Variants in CRACD observed in about 807,000 individuals in gnomAD.
The protein encoded by CRACD is capping protein-inhibiting regulator of actin dynamics.
A neutral mutation model predicts 106.8 loss-of-function variants in CRACD; 56 were observed. The observed-to-expected ratio is 0.52, with a 90% CI of 0.42 to 0.66. The LOEUF is 0.66. CRACD is among the 30% of genes least tolerant of loss of function. The probability of loss-of-function intolerance (pLI) is 0.00; values close to 1 mark genes in which losing one functional copy is unlikely to be tolerated. For synonymous variants in CRACD, 754 were observed against 670.8 expected, an observed-to-expected ratio of 1.12 and a Z score of -1.92; for missense variants, 1,730 against 1,623.2, an observed-to-expected ratio of 1.07 and a Z score of -1.13.
chr4:56,326,802 C>T (rs553981476), intron 10 of CRACD, among the ~76,000 whole-genome samples: 10 of 149,158 alleles, frequency 6.7e-5, no homozygotes, highest in Admixed American at 3.4e-4. Flanking sequence ...TGCAGTGGTG[C>T]GATGTCGATT....
intron 3 of CRACD, among the ~76,000 whole-genome samples, chr4:56,280,136 C>T (rs568906045): frequency 8.4e-6 from 1 of 118,632 alleles, no homozygotes; most frequent in Non-Finnish European, 1.6e-5. Flanking sequence ...CACACTGGGG[C>T]CTGTTGTGGG....
At chr4:56,193,985 A>G (rs772894451) in intron 2 of CRACD, among the ~76,000 whole-genome samples, 2 of 152,190 alleles carry the variant, frequency 1.3e-5, no homozygotes, top group Non-Finnish European at 2.9e-5. Flanking sequence ...ATGGAAAAAT[A>G]TAGCAATAAG....
At chr4:56,121,423 T>G (rs1734477797) in intron 1 of CRACD, among the ~76,000 whole-genome samples, 1 of 152,118 alleles carries the variant, frequency 6.6e-6, no homozygotes, top group South Asian at 2.1e-4. Flanking sequence ...GGATATGCTG[T>G]TTACGAGGTC....
At chr4:56,131,145 A>G (rs1734812370) in intron 1 of CRACD, among the ~76,000 whole-genome samples, 1 of 152,232 alleles carries the variant, frequency 6.6e-6, no homozygotes, top group Non-Finnish European at 1.5e-5. Flanking sequence ...ACTGCTATTA[A>G]TTTAAATTCT....
intron 1 of CRACD, among the ~76,000 whole-genome samples, chr4:56,163,380 A>C (rs1045928022): frequency 6.6e-6 from 1 of 152,170 alleles, no homozygotes; most frequent in Non-Finnish European, 1.5e-5. Flanking sequence ...GTTTGTGTAA[A>C]ATATTTTGAT....
intron 2 of CRACD, among the ~76,000 whole-genome samples, chr4:56,207,895 C>T (rs1270826629): frequency 1.3e-5 from 2 of 150,688 alleles, no homozygotes; most frequent in Non-Finnish European, 2.9e-5. Flanking sequence ...TGTCTTGGCT[C>T]ACTGCTGCCT....
rs549208985 is a variant in CRACD at position 56,135,695 on chromosome 4, GATAGTGAA to G, written c.-335-43588_-335-43581del. On this transcript the variant is annotated intron_variant, in intron 1 of 10. Transcript: ENST00000682029. The stretch of plus-strand genomic sequence containing the variant: ...GTGAATGAGGAAATGTGGTTGAAGG[GATAGTGAA>G]CAGTTCCACGCGCAGGTAACTTGAA... Among the ~76,000 whole-genome samples, 1,064 of 152,306 alleles carry G rather than the reference GATAGTGAA, an allele frequency of 7.0e-3. 3 individuals carry two copies. Among genetic ancestry groups the G allele is most frequent in the Middle Eastern group, 0.014 (4 of 294 alleles).
At chr4:56,131,264 G>A (rs1355854595) in intron 1 of CRACD, among the ~76,000 whole-genome samples, 2 of 152,118 alleles carry the variant, frequency 1.3e-5, no homozygotes, top group Non-Finnish European at 2.9e-5. Flanking sequence ...TCCTCATCTC[G>A]ATTAAGTGCT....
intron 1 of CRACD, among the ~76,000 whole-genome samples, chr4:56,124,427 A>G (rs1235682540): frequency 1.3e-5 from 2 of 152,190 alleles, no homozygotes; most frequent in Non-Finnish European, 2.9e-5. Flanking sequence ...TTTTATCTGT[A>G]AATTCTCCAT....
At chr4:56,275,360 C>T (rs1347592870) in intron 3 of CRACD, among the ~76,000 whole-genome samples, 7 of 152,032 alleles carry the variant, frequency 4.6e-5, no homozygotes, top group East Asian at 1.9e-4. Context: ...GAGGCTGAGG[C>T]GGGAAGATCA....
chr4:56,295,046 A>C (rs941168356), intron 3 of CRACD, among the ~76,000 whole-genome samples: 2 of 152,046 alleles, frequency 1.3e-5, no homozygotes, highest in Non-Finnish European at 2.9e-5. Context: ...ACAGCAATTA[A>C]GATAGTGTGT....
At chr4:56,171,276 A>G (rs1372258798) in intron 1 of CRACD, among the ~76,000 whole-genome samples, 1 of 152,142 alleles carries the variant, frequency 6.6e-6, no homozygotes, top group African/African-American at 2.4e-5. Flanking sequence ...AAAAAAAAAA[A>G]AGAAAGACTA....
At chr4:56,104,772 C>G (rs1317439284) in intron 1 of CRACD, among the ~76,000 whole-genome samples, 1 of 151,726 alleles carries the variant, frequency 6.6e-6, no homozygotes, top group Admixed American at 6.6e-5. Context: ...TCGAGACCAT[C>G]CTGGCTAACA....
chr4:56,118,024 G>A (rs985875625), intron 1 of CRACD, among the ~76,000 whole-genome samples: 3 of 152,180 alleles, frequency 2.0e-5, no homozygotes, highest in East Asian at 1.9e-4. Context: ...CTCCTAAAGT[G>A]CTGGGATTAC....
intron 1 of CRACD, among the ~76,000 whole-genome samples, chr4:56,145,025 T>A (rs569462720): frequency 1.2e-3 from 177 of 152,260 alleles, no homozygotes; most frequent in Non-Finnish European, 2.2e-3. Context: ...TGACTTCAAG[T>A]TATCCCCCCG....
intron 1 of CRACD, among the ~76,000 whole-genome samples, chr4:56,116,750 C>T (rs1331151241): frequency 6.6e-6 from 1 of 152,130 alleles, no homozygotes; most frequent in Non-Finnish European, 1.5e-5. Flanking sequence ...ACTCTGTCTC[C>T]CAGGCTGGAG....
intron 1 of CRACD, among the ~76,000 whole-genome samples, chr4:56,113,869 T>A (rs1734197839): frequency 6.6e-6 from 1 of 152,124 alleles, no homozygotes; most frequent in South Asian, 2.1e-4. Flanking sequence ...AGCATTTTTT[T>A]AAACTGGAGA....
intron 2 of CRACD, among the ~76,000 whole-genome samples, chr4:56,255,510 T>C (rs1385874721): frequency 6.6e-6 from 1 of 152,128 alleles, no homozygotes; most frequent in Non-Finnish European, 1.5e-5. Flanking sequence ...AGCTTGTTTT[T>C]AAAAGAAATC....
intron 2 of CRACD, among the ~76,000 whole-genome samples, chr4:56,240,306 C>T (rs555243061): frequency 6.6e-6 from 1 of 151,928 alleles, no homozygotes. Flanking sequence ...AGGGGGATTC[C>T]TAACACAGAC....
Sources: gnomAD v4.1 joint callset for allele counts (sites outside exome capture counted in the v4.1 genomes callset) on GRCh38, gnomAD v4.1.1 for gene constraint, MANE v1.5 for transcripts, NCBI Gene and HGNC (gene_info 2026-07-23, HGNC 2026-07-21) for gene names.